DSCC1: variants seen among roughly 807,000 people sequenced by gnomAD.
DSCC1 encodes sister chromatid cohesion protein DCC1.
DSCC1 carries 32 observed loss-of-function variants against 48.2 expected under a neutral mutation model. That is an observed-to-expected ratio of 0.66 (90% CI 0.50 to 0.89). DSCC1 has a LOEUF of 0.89. Among genes scored for constraint, DSCC1 ranks in the 40% least tolerant of loss-of-function variants. The pLI is 0.00. For missense variants in DSCC1, 421 were observed against 471.7 expected (o/e 0.89, Z 1.00); for synonymous variants, 150 against 171.5 (o/e 0.87, Z 0.98).
chr8:119,837,003 T>C (rs555437990), intron 8 of DSCC1, among the ~76,000 whole-genome samples: 4 of 152,230 alleles, frequency 2.6e-5, no homozygotes, highest in Admixed American at 6.5e-5. Context: ...CCATTGAGTA[T>C]AGAAAGATGG....
At chr8:119,850,966 T>A (rs1172249900) in intron 2 of DSCC1, among the ~76,000 whole-genome samples, 1 of 152,170 alleles carries the variant, frequency 6.6e-6, no homozygotes, top group Non-Finnish European at 1.5e-5. Context: ...CACGTTGAAA[T>A]GAGGCAGAAG....
At chr8:119,850,208 T>C (rs892983185) in intron 3 of DSCC1, among the ~76,000 whole-genome samples, 174 bp downstream of exon 3, 1 of 152,142 alleles carries the variant, frequency 6.6e-6, no homozygotes, top group African/African-American at 2.4e-5. Context: ...GACAAATATA[T>C]GGGGGTCATT....
intron 3 of DSCC1, 47 bp downstream of exon 3, chr8:119,850,335 G>C (rs1274211207): frequency 6.6e-7 from 1 of 1,520,154 alleles, no homozygotes; most frequent in East Asian, 2.3e-5. Flanking sequence ...AAGTGCCTCT[G>C]ATTATAGTTG....
chr8:119,843,470 T>C, intron 5 of DSCC1, 139 bp downstream of exon 5: 1 of 1,264,612 alleles, frequency 7.9e-7, no homozygotes, highest in Non-Finnish European at 1.1e-6. Context: ...CCAAATCTTC[T>C]TCGGTTGTAA....
intron 1 of DSCC1, 145 bp downstream of exon 1, chr8:119,855,468 TG>T (rs2131315276): frequency 2.6e-6 from 3 of 1,140,080 alleles, no homozygotes; most frequent in South Asian, 1.7e-5. Flanking sequence ...ACCGGAGGCG[TG>T]GACTCCTCGG....
chr8:119,843,124 T>A (rs557452379), intron 5 of DSCC1, among the ~76,000 whole-genome samples: 2,482 of 150,508 alleles, frequency 0.016, 40 homozygotes, highest in African/African-American at 0.04. Context: ...ATTTTATTTT[T>A]TTTTTTTTTT....
chr8:119,847,258 A>T (rs1227942868), intron 3 of DSCC1, among the ~76,000 whole-genome samples, 178 bp from the exon 4 acceptor site: 1 of 152,250 alleles, frequency 6.6e-6, no homozygotes, highest in East Asian at 1.9e-4. Context: ...CTTAGAAAAC[A>T]AATAGAGGTA....
At position 119,841,831 on chromosome 8, in the gene DSCC1, A is replaced by C; in HGVS notation, c.887T>G (p.Val296Gly). 1 of 1,614,064 alleles carries C rather than the reference A, an allele frequency of 6.2e-7. No individual in the cohort carries two copies. Among genetic ancestry groups the C allele is most frequent in the Non-Finnish European group, 8.5e-7 (1 of 1,179,994 alleles). Residue 296 changes from valine to glycine, a missense_variant, in exon 7 of 9, where the codon GTT (valine) becomes GGT (glycine). Coordinates refer to ENST00000313655, the MANE Select transcript of DSCC1 (RefSeq NM_024094.3). ...AAGACTAGTTACCATTCCTTCAGGA[A>C]CACTCTGCTGCCACACTTCTTGAAA... is the stretch of plus-strand genomic sequence containing the variant. ...AEFQEVWQQSVPEGMVTSLDQ... is the reference protein window; with the variant it reads ...AEFQEVWQQSGPEGMVTSLDQ...
intron 3 of DSCC1, among the ~76,000 whole-genome samples, chr8:119,847,715 G>C (rs1358089140): frequency 6.8e-6 from 1 of 147,472 alleles, no homozygotes; most frequent in Non-Finnish European, 1.5e-5. Flanking sequence ...GCCCAGGCTA[G>C]AGTGCAATGG....
At chr8:119,836,410 A>G (rs1826683983) in intron 8 of DSCC1, among the ~76,000 whole-genome samples, 1 of 152,202 alleles carries the variant, frequency 6.6e-6, no homozygotes, top group African/African-American at 2.4e-5. Context: ...TTTAAACAGT[A>G]TAAGAAGGAG....
At chr8:119,848,323 C>A (rs993191072) in intron 3 of DSCC1, among the ~76,000 whole-genome samples, 1 of 151,900 alleles carries the variant, frequency 6.6e-6, no homozygotes, top group South Asian at 2.1e-4. Context: ...GCAAGAAAGT[C>A]GAAAGACAAC....
At chr8:119,847,729 G>C (rs1255654304) in intron 3 of DSCC1, among the ~76,000 whole-genome samples, 4 of 149,760 alleles carry the variant, frequency 2.7e-5, no homozygotes, top group South Asian at 4.2e-4. Flanking sequence ...GCAATGGTGC[G>C]ATCTTGGCTC....
At chr8:119,839,910 A>G (rs1254659619) in intron 7 of DSCC1, 1 of 152,166 alleles carries the variant, frequency 6.6e-6, no homozygotes, top group Non-Finnish European at 1.5e-5. Context: ...TCCGTGATTG[A>G]CCAGTCTGAT....
At chr8:119,836,013 G>A (rs754113106) in intron 8 of DSCC1, among the ~76,000 whole-genome samples, 1 of 152,170 alleles carries the variant, frequency 6.6e-6, no homozygotes, top group Non-Finnish European at 1.5e-5. Flanking sequence ...TGTGATCTAA[G>A]TTTTAAATAA....
At chr8:119,855,528 G>A (rs1198579050) in intron 1 of DSCC1, 86 bp downstream of exon 1, 24 of 1,473,500 alleles carry the variant, frequency 1.6e-5, no homozygotes, top group African/African-American at 5.7e-5. Flanking sequence ...GCATCTCTCT[G>A]GCCCTGTTTT....
rs1046969270 is a variant in DSCC1, at chr8:119,843,698, A to G, written c.627T>C (p.His209=). ...EFDYEMKLLN[H]VTQLVDSESW... Reference sequence around the variant, plus strand: ...ATTCAGAATCCACAAGCTGAGTTACATGATTCAGAAGTTTCATCTCATAAT... The same window carrying G: ...ATTCAGAATCCACAAGCTGAGTTACGTGATTCAGAAGTTTCATCTCATAAT... Residue 209 remains histidine, a synonymous_variant, in exon 5 of 9, where the codon CAT becomes CAC. Transcript: ENST00000313655. 2.5e-6 allele frequency: 4 copies of G among 1,613,964 alleles called. No individual in the cohort carries two copies. Among genetic ancestry groups the G allele is most frequent in the African/African-American group, 2.7e-5 (2 of 74,928 alleles).
At chr8:119,844,929 G>A (rs6469849) in intron 4 of DSCC1, among the ~76,000 whole-genome samples, 110,706 of 152,026 alleles carry the variant, frequency 0.73, 41,543 homozygotes, top group African/African-American at 0.91. Context: ...CTATACTCAT[G>A]AAGAAGTCCA....
At chr8:119,848,521 A>G (rs897319272) in intron 3 of DSCC1, among the ~76,000 whole-genome samples, 1 of 152,210 alleles carries the variant, frequency 6.6e-6, no homozygotes, top group African/African-American at 2.4e-5. Flanking sequence ...GATGTTCAAC[A>G]TCAATGGAAA....
intron 3 of DSCC1, among the ~76,000 whole-genome samples, chr8:119,848,634 A>G (rs1046461525): frequency 3.9e-5 from 6 of 152,244 alleles, no homozygotes; most frequent in African/African-American, 1.4e-4. Context: ...AAGAAAAATG[A>G]AAACATAGAT....
Sources: gnomAD v4.1 joint callset for allele counts (sites outside exome capture counted in the v4.1 genomes callset) on GRCh38, gnomAD v4.1.1 for gene constraint, MANE v1.5 for transcripts, NCBI Gene and HGNC (gene_info 2026-07-23, HGNC 2026-07-21) for gene names.